The following BRD8 variants were observed in gnomAD, a reference collection of about 807,000 sequenced individuals.
BRD8 encodes bromodomain containing 8, also known as bromodomain-containing protein 8.
BRD8 carries 67 observed loss-of-function variants against 143.1 expected under a neutral mutation model. The ratio of observed to expected loss-of-function variants is 0.47; its 90% CI spans 0.38 to 0.57. BRD8 has a LOEUF of 0.57. Among genes scored for constraint, BRD8 ranks in the 20% least tolerant of loss-of-function variants. The pLI is 0.00. For missense variants in BRD8, 1,103 were observed against 1,503.0 expected, an observed-to-expected ratio of 0.73 and a Z score of 4.40; for synonymous variants, 505 against 517.1, an observed-to-expected ratio of 0.98 and a Z score of 0.32.
chr5:138,171,787 A>C (rs1249077312), intron 3 of BRD8, among the ~76,000 whole-genome samples: 4 of 152,226 alleles, frequency 2.6e-5, no homozygotes, highest in Non-Finnish European at 5.9e-5. Flanking sequence ...CAAATGAAAA[A>C]ACAGAGGATC....
At position 138,164,936 on chromosome 5, in the gene BRD8, C is replaced by G. The variant is rs1753281263; in HGVS notation, c.1509G>C (p.Glu503Asp). The change falls in exon 12 of 27, where the codon GAG becomes GAC. Residue 503 changes from glutamate to aspartate, a missense_variant. Transcript: ENST00000254900. ...KGIHELVDIR[E>D]PSAEIKVEPA... ...GTTCCACCTTGATCTCTGCACTGGG[C>G]TCCCTGATGTCCACCAGTTCATGTA... 6.2e-7 allele frequency: 1 copy of G among 1,614,204 alleles called. No individual in the cohort carries two copies. The highest frequency in any genetic ancestry group is 1.1e-5 in the South Asian group (1 of 91,084).
At chr5:138,177,525 TA>T in intron 2 of BRD8, 45 bp downstream of exon 2, 1 of 1,134,842 alleles carries the variant, frequency 8.8e-7, no homozygotes, top group Non-Finnish European at 1.3e-6. Context: ...AAAGAGTATC[TA>T]ACAATTTCTA....
intron 25 of BRD8, among the ~76,000 whole-genome samples, chr5:138,143,112 C>CT (rs1377014863): frequency 2.6e-5 from 4 of 151,626 alleles, no homozygotes; most frequent in Non-Finnish European, 4.4e-5. Context: ...TGGTGAAACT[C>CT]TATCTCTATA....
At chr5:138,145,273 A>C in intron 24 of BRD8, 28 bp from the exon 25 acceptor site, 2 of 1,605,968 alleles carry the variant, frequency 1.2e-6, no homozygotes, top group African/African-American at 2.7e-5. Context: ...CAGAGAGGAT[A>C]AAGAAACCCT....
At position 138,169,207 on chromosome 5, in the gene BRD8, T is replaced by A; in HGVS notation, c.642+15A>T. 1 of 1,610,972 alleles carries A rather than the reference T, an allele frequency of 6.2e-7. No homozygotes were observed. Among genetic ancestry groups the A allele is most frequent in the East Asian group, 2.2e-5 (1 of 44,838 alleles). ...CCCTTCACTGATCAATTCCCACAGA[T>A]GGAAATATACTCACCCCAGAGGTAG... On this transcript the variant is annotated intron_variant, in intron 8 of 26. Coordinates refer to ENST00000254900, the MANE Select transcript of BRD8 (RefSeq NM_139199.2).
At chr5:138,162,486 A>T (rs1753072920) in intron 15 of BRD8, among the ~76,000 whole-genome samples, 1 of 151,932 alleles carries the variant, frequency 6.6e-6, no homozygotes, top group African/African-American at 2.4e-5. Context: ...GTGAGCCACT[A>T]TGCCCAGCCC....
intron 8 of BRD8, chr5:138,168,319 A>AACTT (rs1409207891): frequency 1.4e-6 from 1 of 698,090 alleles, no homozygotes; most frequent in East Asian, 2.7e-5. Context: ...GGGTACTATC[A>AACTT]ACTTACTGTA....
intron 9 of BRD8, among the ~76,000 whole-genome samples, chr5:138,167,191 G>A (rs978624887): frequency 4.0e-5 from 6 of 150,050 alleles, no homozygotes; most frequent in Non-Finnish European, 7.4e-5. Context: ...CTGCTTGAAC[G>A]CAGGAGGTGG....
rs756245695 is a variant in BRD8, at chr5:138,163,273, C to T, written c.1944G>A (p.Glu648=). The T allele has an allele frequency of 4.3e-6, 7 of 1,614,158 alleles. No homozygotes were observed. The South Asian group carries it at 4.4e-5, about 10-fold the overall frequency. ...EAASLEEPKE[E]DQGEGYLSEM... ...CTGACAAGTAGCCTTCTCCTTGATC[C>T]TCTTCCTTAGGCTCCTCTAGGCTGG... Residue 648 remains glutamate (E), a synonymous_variant, in exon 15 of 27, where the codon GAG becomes GAA. Transcript: ENST00000254900.
At position 138,170,685 on chromosome 5, in the gene BRD8, C is replaced by T. The variant is rs903686341; in HGVS notation, c.440+147G>A. Reference sequence around the variant, plus strand: ...CCTTCTAGGACTCACTCCCCCCTCCCAGCCACCAAACCACTTTGCAGCTTT... The same window carrying T: ...CCTTCTAGGACTCACTCCCCCCTCCTAGCCACCAAACCACTTTGCAGCTTT... On this transcript the variant is annotated intron_variant, in intron 6 of 26. Coordinates refer to ENST00000254900, the MANE Select transcript of BRD8 (RefSeq NM_139199.2). The T allele has an allele frequency of 4.3e-5, 34 of 790,434 alleles. No individual in the cohort carries two copies. The African/African-American group carries it at 5.7e-4, about 13-fold the overall frequency. 49.0% of individuals were successfully genotyped at this position (790,434 alleles called of 1,614,324 possible).
rs1273777059 is a variant in BRD8, at chr5:138,178,592, T to A, written c.19+4A>T. 1 of 1,613,638 alleles carries A rather than the reference T, an allele frequency of 6.2e-7. No individual in the cohort carries two copies. The highest frequency in any genetic ancestry group is 1.1e-5 in the South Asian group (1 of 91,068). On this transcript the variant is annotated splice_donor_region_variant and intron_variant, in intron 1 of 26. Coordinates refer to ENST00000254900, the MANE Select transcript of BRD8 (RefSeq NM_139199.2). ...TTTCACGCAAAACCTGCTCAGATACTCACTGCCCGTTCCCGTCGCCATCTT... is the reference window on the plus strand; with the variant it reads ...TTTCACGCAAAACCTGCTCAGATACACACTGCCCGTTCCCGTCGCCATCTT...
rs1170743716 is a variant in BRD8, at chr5:138,177,512, G to A, written c.116+59C>T. ...TGATTAACTATAGAAATCTACCGATGTGAAAGAGTATCTAACAATTTCTAA... is the reference window on the plus strand; with the variant it reads ...TGATTAACTATAGAAATCTACCGATATGAAAGAGTATCTAACAATTTCTAA... On this transcript the variant is annotated intron_variant, in intron 2 of 26. Coordinates refer to ENST00000254900, the MANE Select transcript of BRD8 (RefSeq NM_139199.2). The A allele has an allele frequency of 1.9e-5, 19 of 979,104 alleles. No homozygotes were observed. In the East Asian group the frequency reaches 4.1e-4, roughly 21 times the overall value. 60.7% of individuals were successfully genotyped at this position (979,104 alleles called of 1,614,324 possible). A position where few individuals can be genotyped will look rare whatever the true frequency, so the allele number is the denominator to read the frequency against.
In BRD8 at chr5:138,171,123, C is replaced by G. The variant is rs139388275; in HGVS notation, c.274G>C (p.Val92Leu). The stretch of plus-strand genomic sequence containing the variant: ...AATTTCCGAACAATAACATCTTCAA[C>G]AGTTTCCACCACTTCTCCCTTTTCA... ...RGEKGEVVET[V>L]EDVIVRKLTA... is the part of the protein sequence containing the mutation. Residue 92 changes from valine (V) to leucine (L), a missense_variant, in exon 5 of 27, where the codon GTT becomes CTT. Around this residue, in one of 7 missense-constraint regions of BRD8, gnomAD observed 69 missense variants for 121.6 expected, o/e 0.57. Transcript: ENST00000254900. The G allele has an allele frequency of 3.6e-5, 58 of 1,613,468 alleles. No homozygotes were observed. The highest frequency in any genetic ancestry group is 4.7e-5 in the Non-Finnish European group (56 of 1,179,770).
Position 138,165,806 on chromosome 5 carries a change from TGG to T in BRD8, c.1278+20_1278+21del, listed in dbSNP as rs748889787. 1.2e-6 allele frequency: 2 copies of T among 1,604,208 alleles called. No homozygotes were observed. Among genetic ancestry groups the T allele is most frequent in the Non-Finnish European group, 1.7e-6 (2 of 1,174,482 alleles). On this transcript the variant is annotated intron_variant, in intron 11 of 26. Coordinates refer to ENST00000254900, the MANE Select transcript of BRD8 (RefSeq NM_139199.2). The stretch of plus-strand genomic sequence containing the variant: ...CCTATGTAGGACCCATGAGATTCTC[TGG>T]GGCTTCGCTGAATAGTTACCTTGTC...
At chr5:138,151,085 C>G in intron 21 of BRD8, 77 bp from the exon 22 acceptor site, 1 of 1,510,822 alleles carries the variant, frequency 6.6e-7, no homozygotes, top group South Asian at 1.3e-5. Context: ...ATGCCACATG[C>G]TAACACTGTC....
At chr5:138,166,855 A>G (rs1007416012) in intron 9 of BRD8, 128 bp from the exon 10 acceptor site, 5 of 670,010 alleles carry the variant, frequency 7.5e-6, no homozygotes, top group African/African-American at 1.8e-5. Context: ...CCTGCATTGA[A>G]TAAGTTCATC....
chr5:138,166,897 T>C, intron 9 of BRD8, 170 bp from the exon 10 acceptor site: 1 of 569,260 alleles, frequency 1.8e-6, no homozygotes, highest in Non-Finnish European at 3.1e-6. Context: ...TTACTTAAGA[T>C]CTTCCTCCAA....
chr5:138,167,363 C>T (rs901729082), intron 9 of BRD8, among the ~76,000 whole-genome samples: 5 of 152,220 alleles, frequency 3.3e-5, no homozygotes, highest in East Asian at 1.9e-4. Flanking sequence ...ATAAATCTGT[C>T]GCTTCTGCTG....
rs1416587695 is a variant in BRD8, at chr5:138,168,811, C to T, written c.642+411G>A. 11 of 647,578 alleles carry T rather than the reference C, an allele frequency of 1.7e-5. No individual in the cohort carries two copies. In the Admixed American group the frequency reaches 3.5e-4, roughly 20 times the overall value. The allele number at this position is 647,578 out of a possible 1,614,324, so 40.1% of individuals were successfully genotyped here. A position where few individuals can be genotyped will look rare whatever the true frequency, so the allele number is the denominator to read the frequency against. On this transcript the variant is annotated intron_variant, in intron 8 of 26. Coordinates refer to ENST00000254900, the MANE Select transcript of BRD8 (RefSeq NM_139199.2). ...TCCTGAGTGGAATTGCCCAGAAACC[C>T]TCTATCCCTCCTGCTCTTAGCCATA... is the stretch of plus-strand genomic sequence containing the variant.
Sources: gnomAD v4.1 joint callset for allele counts (sites outside exome capture counted in the v4.1 genomes callset) on GRCh38, gnomAD v4.1.1 for gene constraint, gnomAD v4.1.1 regional missense constraint, MANE v1.5 for transcripts, NCBI Gene and HGNC (gene_info 2026-07-23, HGNC 2026-07-21) for gene names.